Variants in ANK1 observed in about 807,000 individuals in gnomAD.
The protein encoded by ANK1 is ankyrin-1.
A neutral mutation model predicts 210.4 loss-of-function variants in ANK1; 51 were observed. The ratio of observed to expected loss-of-function variants is 0.24; its 90% CI spans 0.19 to 0.31. The LOEUF (loss-of-function observed/expected upper bound fraction) is 0.31. Ranked by LOEUF, ANK1 falls within the 10% of genes least tolerant of loss-of-function variation. The pLI, the probability that ANK1 is intolerant of heterozygous loss-of-function variation, is 1.00. For missense variants in ANK1, 2,051 were observed against 2,504.4 expected (o/e 0.82, Z 3.86); for synonymous variants, 967 against 1,025.9 (o/e 0.94, Z 1.10).
At position 41,666,768 on chromosome 8, in the gene ANK1, C is replaced by T. The variant is rs552434923; in HGVS notation, c.5394+1499G>A. Reference sequence around the variant, plus strand: ...GCCCTCTGATCGGCGTCTCCAGTTCCAGGCTGGGCATGCTGGCCTTGCACG... The same window carrying T: ...GCCCTCTGATCGGCGTCTCCAGTTCTAGGCTGGGCATGCTGGCCTTGCACG... On this transcript the variant is annotated intron_variant, in intron 39 of 42. Transcript: ENST00000289734. 9.2e-5 allele frequency among the ~76,000 whole-genome samples: 14 copies of T among 152,378 alleles called. No homozygotes were observed. The East Asian group carries it at 1.5e-3, about 17-fold the overall frequency.
rs185301002 is a variant in ANK1, at chr8:41,836,589, C to T, written c.126+59766G>A. ...TGCCCTGGCTTCCAACCGGCGAAAA[C>T]TCAGCCCGGGCTAAGGACCATGAGG... On this transcript the variant is annotated intron_variant, in intron 1 of 42. Transcript: ENST00000265709. 4.5e-3 allele frequency among the ~76,000 whole-genome samples: 690 copies of T among 152,332 alleles called. 3 individuals are homozygous for T. Among genetic ancestry groups the T allele is most frequent in the African/African-American group, 0.015 (644 of 41,578 alleles).
chr8:41,658,695 C>T (rs970379302), intron 42 of ANK1, among the ~76,000 whole-genome samples: 64 of 152,256 alleles, frequency 4.2e-4, no homozygotes, highest in African/African-American at 1.5e-3. Context: ...GAGCTCGAGA[C>T]GAGCCTGACC....
intron 40 of ANK1, among the ~76,000 whole-genome samples, chr8:41,662,188 T>C (rs548641537): frequency 1.1e-4 from 16 of 151,510 alleles, no homozygotes; most frequent in African/African-American, 3.9e-4. Flanking sequence ...ACCTGGTGGA[T>C]GGAGGTTGCA....
In ANK1 at chr8:41,672,370, C is replaced by T. The variant is rs1812685689; in HGVS notation, c.5080G>A (p.Glu1694Lys). The change falls in exon 38 of 43, where the codon GAG (glutamate) becomes AAG (lysine). Residue 1694 changes from glutamate to lysine, a missense_variant. Transcript: ENST00000289734. ...THSPTVSQVT[E>K]RSQDRLQDWD... Reference sequence around the variant, plus strand: ...AGCTCTTACCTGTCCTGACTCCTCTCCGTCACCTGACTCACGGTGGGGGAA... The same window carrying T: ...AGCTCTTACCTGTCCTGACTCCTCTTCGTCACCTGACTCACGGTGGGGGAA... The T allele has an allele frequency of 6.2e-6, 10 of 1,614,230 alleles. No individual in the cohort carries two copies. The highest frequency in any genetic ancestry group is 7.6e-6 in the Non-Finnish European group (9 of 1,180,048).
chr8:41,719,143 C>T (rs1027314380), intron 10 of ANK1, among the ~76,000 whole-genome samples: 1 of 152,178 alleles, frequency 6.6e-6, no homozygotes, highest in African/African-American at 2.4e-5. Context: ...CCCTGGGAGC[C>T]CCTGTCCTGG....
intron 23 of ANK1, among the ~76,000 whole-genome samples, chr8:41,698,873 T>G (rs556348148): frequency 6.6e-6 from 1 of 152,094 alleles, no homozygotes; most frequent in Non-Finnish European, 1.5e-5. Flanking sequence ...CTTGGCTCAC[T>G]ACAACCTCCG....
At chr8:41,673,196 G>C (rs1041659288) in intron 37 of ANK1, among the ~76,000 whole-genome samples, 1 of 152,186 alleles carries the variant, frequency 6.6e-6, no homozygotes, top group African/African-American at 2.4e-5. Context: ...GCGAAGAGGA[G>C]ATTGGACTTT....
intron 8 of ANK1, 101 bp from the exon 9 acceptor site, chr8:41,723,324 C>T (rs2150652073): frequency 7.6e-7 from 1 of 1,323,210 alleles, no homozygotes; most frequent in Admixed American, 1.7e-5. Flanking sequence ...CACGCAAGTG[C>T]TGACGTTTCC....
intron 1 of ANK1, among the ~76,000 whole-genome samples, chr8:41,772,715 G>T (rs555855523): frequency 1.3e-5 from 2 of 152,214 alleles, no homozygotes; most frequent in Admixed American, 1.3e-4. Context: ...CTCCCTGTCC[G>T]CAGCTGCCCT....
chr8:41,741,025 C>T (rs757359071), intron 2 of ANK1, among the ~76,000 whole-genome samples: 1 of 152,138 alleles, frequency 6.6e-6, no homozygotes, highest in African/African-American at 2.4e-5. Flanking sequence ...TTGTTCACCT[C>T]ATGCACCCAT....
chr8:41,660,453 G>C (rs1044221050), intron 42 of ANK1: 1 of 460,660 alleles, frequency 2.2e-6, no homozygotes, highest in Non-Finnish European at 4.5e-6. Flanking sequence ...ATCCTGTACT[G>C]AGCTGCCCCG....
chr8:41,715,299 C>T (rs1384553757), intron 14 of ANK1, among the ~76,000 whole-genome samples: 2 of 152,218 alleles, frequency 1.3e-5, no homozygotes, highest in African/African-American at 2.4e-5. Context: ...AACCACCTCA[C>T]AGTGGTAGTT....
intron 24 of ANK1, among the ~76,000 whole-genome samples, chr8:41,697,554 G>C (rs1051242749): frequency 6.6e-6 from 1 of 151,852 alleles, no homozygotes; most frequent in South Asian, 2.1e-4. Flanking sequence ...CCACACAGTG[G>C]AGCACTCCCC....
chr8:41,804,820 C>T (rs1850679321), intron 1 of ANK1, among the ~76,000 whole-genome samples: 1 of 152,072 alleles, frequency 6.6e-6, no homozygotes. Flanking sequence ...CGGCAAAACA[C>T]GGTGAAAACA....
chr8:41,690,259 G>A lies in ANK1; in HGVS notation c.4072C>T (p.His1358Tyr). 6.2e-7 allele frequency: 1 copy of A among 1,614,246 alleles called. No individual in the cohort carries two copies. The change falls in exon 33 of 43, where the codon CAC becomes TAC. Residue 1358 changes from histidine (H) to tyrosine (Y), a missense_variant. By Grantham distance (83) the His-to-Tyr change is moderately conservative. Transcript: ENST00000289734. ...KYEDTQHILC[H>Y]LNITMPPCAK... ...CAGGGGGGCATGGTGATGTTCAGGTGGCAGAGAATGTGCTGGGTGTCCTCG... is the reference window on the plus strand; with the variant it reads ...CAGGGGGGCATGGTGATGTTCAGGTAGCAGAGAATGTGCTGGGTGTCCTCG...
chr8:41,797,666 G>A (rs941851029), upstream of ANK1: 3 of 1,379,502 alleles, frequency 2.2e-6, no homozygotes, highest in African/African-American at 3.0e-5. This position sits in a 1 kb window ranked among gnomAD's most constrained non-coding sequence, Gnocchi z 4.0. Flanking sequence ...GGGCCTTATC[G>A]GCCCCAGAGG....
At chr8:41,705,344 G>A (rs1009932552) in intron 18 of ANK1, among the ~76,000 whole-genome samples, 2 of 152,214 alleles carry the variant, frequency 1.3e-5, no homozygotes. Flanking sequence ...AAGACTAAAC[G>A]GGGCCCGCAA....
At chr8:41,690,908 A>AAACAACAAC (rs201607805) in intron 31 of ANK1, among the ~76,000 whole-genome samples, 1 of 152,118 alleles carries the variant, frequency 6.6e-6, no homozygotes, top group African/African-American at 2.4e-5. Context: ...TAGCTTCTGA[A>AAACAACAAC]AACAACAACA....
chr8:41,751,058 C>T (rs1485408185), intron 2 of ANK1, among the ~76,000 whole-genome samples: 2 of 152,236 alleles, frequency 1.3e-5, no homozygotes, highest in Non-Finnish European at 2.9e-5. Context: ...GGACACAGGC[C>T]GGCACTGCTC....
Sources: allele counts gnomAD v4.1 joint callset (sites outside exome capture counted in the v4.1 genomes callset), GRCh38; gene constraint gnomAD v4.1.1; non-coding constraint Gnocchi (gnomAD v3.1); transcripts MANE v1.5; gene names NCBI Gene and HGNC (gene_info 2026-07-23, HGNC 2026-07-21).